Variants in ATP2B1 observed in about 807,000 individuals in gnomAD.
ATP2B1 encodes ATPase plasma membrane Ca2+ transporting 1, also known as plasma membrane calcium-transporting ATPase 1.
In ATP2B1, 14 loss-of-function variants were observed where a neutral mutation model predicts 124.2. The observed-to-expected ratio is 0.11, with a 90% CI of 0.07 to 0.18. ATP2B1 has a LOEUF of 0.18. ATP2B1 is among the 10% of genes least tolerant of loss of function. The pLI is 1.00. For missense variants in ATP2B1, 763 were observed against 1,466.1 expected (o/e 0.52, Z 7.83); for synonymous variants, 449 against 492.4 (o/e 0.91, Z 1.17).
In ATP2B1 at chr12:89,642,350, T is replaced by C. The variant is rs779118993; in HGVS notation, c.214A>G (p.Ser72Gly). ...KLKTSPNEGL[S>G]GNPADLERRE... is the part of the protein sequence containing the mutation. Reference sequence around the variant, plus strand: ...CTTTCTAAATCTGCAGGGTTTCCACTTAAACCTAATAAAAAGAAACAAATT... The same window carrying C: ...CTTTCTAAATCTGCAGGGTTTCCACCTAAACCTAATAAAAAGAAACAAATT... The change falls in exon 3 of 21, where the codon AGT becomes GGT. Residue 72 changes from serine to glycine, a missense_variant. Transcript: ENST00000428670. 6.2e-7 allele frequency: 1 copy of C among 1,603,678 alleles called. No individual in the cohort carries two copies. Among genetic ancestry groups the C allele is most frequent in the Non-Finnish European group, 8.5e-7 (1 of 1,177,174 alleles).
chr12:89,612,539 AAAAG>A (rs1280140563), intron 12 of ATP2B1, among the ~76,000 whole-genome samples: 6 of 152,102 alleles, frequency 3.9e-5, no homozygotes, highest in Non-Finnish European at 2.9e-5. Context: ...CTGTAACTGC[AAAAG>A]AAAGAAACAG....
At chr12:89,595,271 T>C (rs1013462736) in intron 20 of ATP2B1, among the ~76,000 whole-genome samples, 1 of 152,014 alleles carries the variant, frequency 6.6e-6, no homozygotes, top group Non-Finnish European at 1.5e-5. Context: ...ATTTGGCCCA[T>C]AAGCTGTAGT....
intron 1 of ATP2B1, among the ~76,000 whole-genome samples, chr12:89,666,977 AAAAC>A (rs1400847925): frequency 3.9e-5 from 6 of 152,018 alleles, no homozygotes; most frequent in Non-Finnish European, 8.8e-5. Flanking sequence ...CCTGCCACAA[AAAAC>A]AAACAAACAA....
chr12:89,654,299 C>T (rs953126330), intron 2 of ATP2B1, among the ~76,000 whole-genome samples: 1 of 152,184 alleles, frequency 6.6e-6, no homozygotes, highest in African/African-American at 2.4e-5. Context: ...GTTCCTGATA[C>T]TCTTAGTTAT....
At chr12:89,703,490 C>T (rs527674641) in intron 1 of ATP2B1, among the ~76,000 whole-genome samples, 2 of 152,250 alleles carry the variant, frequency 1.3e-5, no homozygotes, top group South Asian at 2.1e-4. Flanking sequence ...AACTTATGTC[C>T]TTTTAGTCTG....
At chr12:89,657,580 G>A (rs1351110851) in intron 1 of ATP2B1, among the ~76,000 whole-genome samples, 1 of 152,198 alleles carries the variant, frequency 6.6e-6, no homozygotes, top group South Asian at 2.1e-4. Flanking sequence ...CTATGAAACT[G>A]CTATGAAGAT....
At chr12:89,591,798 C>T (rs545178702) in intron 20 of ATP2B1, among the ~76,000 whole-genome samples, 12 of 152,068 alleles carry the variant, frequency 7.9e-5, no homozygotes, top group African/African-American at 2.2e-4. Context: ...AATGAACTCA[C>T]ATCTACCCCA....
chr12:89,607,455 C>T (rs1162020260), intron 15 of ATP2B1, among the ~76,000 whole-genome samples: 1 of 152,138 alleles, frequency 6.6e-6, no homozygotes, highest in Non-Finnish European at 1.5e-5. Flanking sequence ...GTAATTATTT[C>T]CATGTGCTGT....
chr12:89,591,434 ACTGT>A, intron 20 of ATP2B1, 139 bp from the exon 21 acceptor site: 1 of 690,478 alleles, frequency 1.4e-6, no homozygotes, highest in Non-Finnish European at 2.3e-6. Context: ...CTTGCAATAC[ACTGT>A]AAAAAAATGA....
intron 1 of ATP2B1, among the ~76,000 whole-genome samples, chr12:89,686,705 T>A (rs551274953): frequency 1.3e-5 from 2 of 152,246 alleles, no homozygotes; most frequent in South Asian, 4.1e-4. Context: ...TCACTATGCC[T>A]ACATCGGTGC....
At chr12:89,647,544 G>A (rs1714965335) in intron 2 of ATP2B1, among the ~76,000 whole-genome samples, 1 of 152,196 alleles carries the variant, frequency 6.6e-6, no homozygotes, top group Non-Finnish European at 1.5e-5. Context: ...AATGTTGGAT[G>A]TAGATTTAAC....
intron 1 of ATP2B1, among the ~76,000 whole-genome samples, chr12:89,697,013 T>C (rs1241993426): frequency 4.7e-5 from 7 of 148,370 alleles, no homozygotes; most frequent in Non-Finnish European, 1.0e-4. Context: ...CCCTCTAAAT[T>C]CTAACATCTC....
chr12:89,685,611 C>G (rs907856611), intron 1 of ATP2B1, among the ~76,000 whole-genome samples: 3 of 152,074 alleles, frequency 2.0e-5, no homozygotes, highest in African/African-American at 4.8e-5. Flanking sequence ...CCTCACCAAG[C>G]CTTCCAAGTG....
intron 20 of ATP2B1, among the ~76,000 whole-genome samples, chr12:89,598,039 C>CAAAAAAAAAAAAA (rs10661138): frequency 5.9e-4 from 36 of 60,526 alleles, no homozygotes; most frequent in Admixed American, 1.9e-3. Flanking sequence ...CACAACCAAG[C>CAAAAAAAAAAAAA]AAAAAAAAAA....
At chr12:89,643,404 A>C (rs1883958208) in intron 2 of ATP2B1, among the ~76,000 whole-genome samples, 1 of 152,114 alleles carries the variant, frequency 6.6e-6, no homozygotes, top group Non-Finnish European at 1.5e-5. Flanking sequence ...CAAACTCTAA[A>C]AGCTTCTCTA....
At chr12:89,608,191 C>G (rs1877313801) in intron 15 of ATP2B1, among the ~76,000 whole-genome samples, 1 of 152,132 alleles carries the variant, frequency 6.6e-6, no homozygotes, top group Non-Finnish European at 1.5e-5. Context: ...TTATTTCAGA[C>G]AGAGTCTCGC....
chr12:89,610,215 T>A (rs1877733558), intron 14 of ATP2B1, among the ~76,000 whole-genome samples, 172 bp from the exon 15 acceptor site: 1 of 152,248 alleles, frequency 6.6e-6, no homozygotes, highest in African/African-American at 2.4e-5. Context: ...ACTATGGGTA[T>A]ATTCAGAGCA....
At chr12:89,616,771 T>C in intron 12 of ATP2B1, 31 bp downstream of exon 12, 1 of 1,584,102 alleles carries the variant, frequency 6.3e-7, no homozygotes, top group Non-Finnish European at 8.7e-7. Flanking sequence ...TATGAGATTC[T>C]GCACATGCAG....
intron 1 of ATP2B1, among the ~76,000 whole-genome samples, chr12:89,687,134 A>T (rs1243522760): frequency 1.3e-5 from 2 of 152,136 alleles, no homozygotes; most frequent in African/African-American, 2.4e-5. Context: ...AGCAATCTAG[A>T]GATGATTAAA....
Sources: allele counts gnomAD v4.1 joint callset (sites outside exome capture counted in the v4.1 genomes callset), GRCh38; gene constraint gnomAD v4.1.1; transcripts MANE v1.5; gene names NCBI Gene and HGNC (gene_info 2026-07-23, HGNC 2026-07-21).